Variants in IL1RAPL1 observed in about 807,000 individuals in gnomAD.
IL1RAPL1 encodes the protein interleukin 1 receptor accessory protein like 1.
A neutral mutation model predicts 48.4 loss-of-function variants in IL1RAPL1; 3 were observed. The ratio of observed to expected loss-of-function variants is 0.06; its 90% CI spans 0.03 to 0.16. The LOEUF is 0.16. Ranked by LOEUF, IL1RAPL1 falls within the 10% of genes least tolerant of loss-of-function variation. IL1RAPL1 has a pLI of 1.00. For synonymous variants in IL1RAPL1, 185 were observed against 187.7 expected, an observed-to-expected ratio of 0.99 and a Z score of 0.12; for missense variants, 349 against 530.6, an observed-to-expected ratio of 0.66 and a Z score of 3.36.
At chrX:28,728,356 A>G (rs909809522) in intron 1 of IL1RAPL1, among the ~76,000 whole-genome samples, 1 of 111,878 alleles carries the variant, frequency 8.9e-6, no homozygotes, top group Non-Finnish European at 1.9e-5. Flanking sequence ...AGTCTTATAC[A>G]TTTGTTCTGG....
At chrX:29,000,140 G>A (rs67428203) in intron 2 of IL1RAPL1, among the ~76,000 whole-genome samples, 4,687 of 110,865 alleles carry the variant, frequency 0.042, 106 homozygotes, top group African/African-American at 0.066. Flanking sequence ...TGAATCTCCC[G>A]ATGATATAGT....
At chrX:29,126,956 A>G (rs990081986) in intron 2 of IL1RAPL1, among the ~76,000 whole-genome samples, 2 of 111,753 alleles carry the variant, frequency 1.8e-5, no homozygotes, top group Admixed American at 1.9e-4. Flanking sequence ...CATGCATGGC[A>G]ATATGTAATT....
In IL1RAPL1 at chrX:29,956,033, G is replaced by T; in HGVS notation, c.*213G>T. 1 of 417,939 alleles carries T rather than the reference G, an allele frequency of 2.4e-6. No individual in the cohort carries two copies. The highest frequency in any genetic ancestry group is 4.2e-6 in the Non-Finnish European group (1 of 239,585). The allele number at this position is 417,939 out of a possible 1,213,427, so 34.4% of individuals were successfully genotyped here. On this transcript the variant is annotated 3_prime_UTR_variant, in exon 11 of 11. Transcript: ENST00000378993. ...CATGTCTTTTACCATTACATTTTTT[G>T]ACTTTGTTTTATATGTCGTTGGAAT... is the stretch of plus-strand genomic sequence containing the variant.
At chrX:29,502,232 T>C (rs1309296139) in intron 5 of IL1RAPL1, among the ~76,000 whole-genome samples, 2 of 111,434 alleles carry the variant, frequency 1.8e-5, no homozygotes, top group African/African-American at 6.5e-5. Flanking sequence ...TGAACTCTAG[T>C]TTTTTCTAAG....
intron 3 of IL1RAPL1, among the ~76,000 whole-genome samples, chrX:29,317,224 T>C (rs1932773731): frequency 1.8e-5 from 2 of 112,018 alleles, no homozygotes; most frequent in East Asian, 2.8e-4. Context: ...TGCTGCCAGC[T>C]TTTTACTGGT....
intron 5 of IL1RAPL1, among the ~76,000 whole-genome samples, chrX:29,418,163 C>G (rs773337405): frequency 1.3e-5 from 1 of 79,650 alleles, no homozygotes; most frequent in Non-Finnish European, 2.3e-5. Context: ...CTTGCTCTGT[C>G]GCCCAGGCTG....
Position 28,835,853 on chromosome X carries a change from C to T in IL1RAPL1, c.82+46428C>T, listed in dbSNP as rs1453632101. ...AGACAGTGGAGCTGGTACAAATATACACTGTAATGCCTCCCTATTTGTTGT... is the reference window on the plus strand; with the variant it reads ...AGACAGTGGAGCTGGTACAAATATATACTGTAATGCCTCCCTATTTGTTGT... On this transcript the variant is annotated intron_variant, in intron 2 of 10. Coordinates refer to ENST00000378993, the MANE Select transcript of IL1RAPL1 (RefSeq NM_014271.4). 3.6e-5 allele frequency among the ~76,000 whole-genome samples: 4 copies of T among 110,951 alleles called. No individual in the cohort carries two copies. The East Asian group carries it at 1.1e-3, about 31-fold the overall frequency.
intron 2 of IL1RAPL1, among the ~76,000 whole-genome samples, chrX:29,171,830 A>T (rs1256563024): frequency 8.9e-6 from 1 of 111,918 alleles, no homozygotes; most frequent in East Asian, 2.8e-4. Flanking sequence ...GGAAAGAAAA[A>T]AAAAAGGGAC....
At chrX:29,730,975 C>T (rs1024264516) in intron 6 of IL1RAPL1, among the ~76,000 whole-genome samples, 1 of 112,204 alleles carries the variant, frequency 8.9e-6, no homozygotes, top group African/African-American at 3.2e-5. Flanking sequence ...ACTCTATCCC[C>T]AAATTACATA....
chrX:29,403,492 A>G (rs73631659), intron 5 of IL1RAPL1, among the ~76,000 whole-genome samples: 3,851 of 111,330 alleles, frequency 0.035, 173 homozygotes, highest in African/African-American at 0.12. Flanking sequence ...TTTATTGGAG[A>G]ATTATACCAA....
chrX:28,697,574 G>A (rs1842632883), intron 1 of IL1RAPL1, among the ~76,000 whole-genome samples: 1 of 111,202 alleles, frequency 9.0e-6, no homozygotes, highest in East Asian at 2.8e-4. Context: ...TCCTCCAGAT[G>A]GAAGGACAGT....
intron 2 of IL1RAPL1, among the ~76,000 whole-genome samples, chrX:28,793,123 C>A (rs1197009912): frequency 9.3e-6 from 1 of 107,698 alleles, no homozygotes; most frequent in Admixed American, 1.0e-4. Flanking sequence ...TTATAAGTAG[C>A]ACTTGATGAA....
At chrX:29,300,225 C>T (rs1244388223) in intron 3 of IL1RAPL1, among the ~76,000 whole-genome samples, 1 of 111,401 alleles carries the variant, frequency 9.0e-6, no homozygotes, top group East Asian at 2.8e-4. Context: ...AGAGTTCTAT[C>T]CCATACTAAT....
At chrX:28,828,128 A>G (rs185267946) in intron 2 of IL1RAPL1, among the ~76,000 whole-genome samples, 56 of 111,858 alleles carry the variant, frequency 5.0e-4, no homozygotes, top group Non-Finnish European at 1.7e-4. Context: ...TTTAGAATTC[A>G]TCTTGCCAAT....
intron 2 of IL1RAPL1, among the ~76,000 whole-genome samples, chrX:29,236,826 C>T (rs1472044758): frequency 4.6e-5 from 5 of 108,227 alleles, no homozygotes; most frequent in African/African-American, 1.4e-4. Context: ...ACCTTGGCCT[C>T]CCAAAGTGCT....
intron 9 of IL1RAPL1, among the ~76,000 whole-genome samples, chrX:29,943,971 G>A (rs898918442): frequency 3.6e-5 from 4 of 111,834 alleles, no homozygotes; most frequent in Admixed American, 9.5e-5. Flanking sequence ...CTAACAAACA[G>A]TATTCTAACA....
At chrX:29,702,823 G>A (rs1927089458) in intron 6 of IL1RAPL1, among the ~76,000 whole-genome samples, 1 of 112,245 alleles carries the variant, frequency 8.9e-6, no homozygotes, top group African/African-American at 3.2e-5. Flanking sequence ...TGTTCTGCTG[G>A]TTTGTTACAA....
chrX:28,727,833 C>T (rs1224905325), intron 1 of IL1RAPL1, among the ~76,000 whole-genome samples: 3 of 110,296 alleles, frequency 2.7e-5, no homozygotes, highest in Non-Finnish European at 5.7e-5. Context: ...AAAAACCAAA[C>T]GCCGCATATT....
intron 3 of IL1RAPL1, among the ~76,000 whole-genome samples, chrX:29,322,799 C>A (rs780069893): frequency 9.0e-6 from 1 of 110,845 alleles, no homozygotes; most frequent in African/African-American, 3.3e-5. Flanking sequence ...GAACAGGAAC[C>A]TCATAACTGA....
Sources: allele counts gnomAD v4.1 joint callset (sites outside exome capture counted in the v4.1 genomes callset), GRCh38; gene constraint gnomAD v4.1.1; transcripts MANE v1.5; gene names NCBI Gene and HGNC (gene_info 2026-07-23, HGNC 2026-07-21).